The following ZBTB7C variants were observed in gnomAD, a reference collection of about 807,000 sequenced individuals.
ZBTB7C encodes the protein zinc finger and BTB domain-containing protein 7C.
A neutral mutation model predicts 25.7 loss-of-function variants in ZBTB7C; 8 were observed. That is an observed-to-expected ratio of 0.31 (90% CI 0.18 to 0.56). ZBTB7C has a LOEUF of 0.56. Among genes scored for constraint, ZBTB7C ranks in the 20% least tolerant of loss-of-function variants. ZBTB7C has a pLI of 0.91. For missense variants in ZBTB7C, 824 were observed against 855.2 expected (o/e 0.96, Z 0.46); for synonymous variants, 394 against 369.0 (o/e 1.07, Z -0.78).
At chr18:48,300,933 G>A (rs1238074216) in intron 2 of ZBTB7C, among the ~76,000 whole-genome samples, 1 of 152,230 alleles carries the variant, frequency 6.6e-6, no homozygotes, top group East Asian at 1.9e-4. Flanking sequence ...AGGCACAGCT[G>A]GGCCTGGCTT....
At chr18:48,116,422 C>T (rs1294305889) in intron 3 of ZBTB7C, among the ~76,000 whole-genome samples, 1 of 152,198 alleles carries the variant, frequency 6.6e-6, no homozygotes, top group East Asian at 1.9e-4. Flanking sequence ...GACCTACCAG[C>T]GATGGCATTT....
intron 2 of ZBTB7C, among the ~76,000 whole-genome samples, chr18:48,267,866 G>T (rs2044357544): frequency 6.6e-6 from 1 of 152,276 alleles, no homozygotes; most frequent in South Asian, 2.1e-4. Context: ...CTTGATCTTG[G>T]ACTTCCCAGC....
intron 3 of ZBTB7C, among the ~76,000 whole-genome samples, chr18:48,085,510 CTG>C (rs938200578): frequency 3.9e-5 from 6 of 152,190 alleles, no homozygotes; most frequent in Non-Finnish European, 8.8e-5. Context: ...TATTCATTAG[CTG>C]TGTGACTCTG....
intron 1 of ZBTB7C, 64 bp downstream of exon 1, chr18:48,409,162 G>C (rs1418997890): frequency 6.7e-6 from 1 of 148,640 alleles, no homozygotes; most frequent in East Asian, 2.0e-4. Context: ...CTCGGCTGCC[G>C]AGGTGCTGTG....
chr18:48,195,150 C>T (rs752068960), intron 2 of ZBTB7C, among the ~76,000 whole-genome samples: 2 of 152,216 alleles, frequency 1.3e-5, no homozygotes, highest in South Asian at 2.1e-4. Context: ...TTAATATATA[C>T]TTGTACATTC....
rs138760028 is a variant in ZBTB7C at position 48,191,156 on chromosome 18, C to T, written c.-78-5161G>A. On this transcript the variant is annotated intron_variant, in intron 2 of 4. Coordinates refer to ENST00000590800, the MANE Select transcript of ZBTB7C (RefSeq NM_001318841.2). Reference sequence around the variant, plus strand: ...CCTTGCAGAGGTGGGAGGGTAGGAACGGGCTGTGCTTTGCTTCCTCTGACC... The same window carrying T: ...CCTTGCAGAGGTGGGAGGGTAGGAATGGGCTGTGCTTTGCTTCCTCTGACC... Among the ~76,000 whole-genome samples the T allele has an allele frequency of 2.9e-3, 435 of 152,288 alleles. 1 individual carries two copies. Among genetic ancestry groups the T allele is most frequent in the Non-Finnish European group, 2.7e-3 (182 of 68,038 alleles).
At chr18:48,328,921 T>A (rs191205745) in intron 2 of ZBTB7C, among the ~76,000 whole-genome samples, 1 of 152,198 alleles carries the variant, frequency 6.6e-6, no homozygotes, top group Admixed American at 6.5e-5. Flanking sequence ...TCCAGACAAG[T>A]GTTCATTTAA....
intron 2 of ZBTB7C, among the ~76,000 whole-genome samples, chr18:48,274,741 G>A (rs542244710): frequency 3.6e-4 from 55 of 152,224 alleles, no homozygotes; most frequent in Non-Finnish European, 5.7e-4. Flanking sequence ...TCCTGTCAGC[G>A]CATGGTCCAG....
intron 1 of ZBTB7C, among the ~76,000 whole-genome samples, chr18:48,383,046 G>A (rs1200392562): frequency 6.6e-6 from 1 of 152,098 alleles, no homozygotes; most frequent in African/African-American, 2.4e-5. Flanking sequence ...TTACAGGCAT[G>A]ACATTGCGCC....
intron 1 of ZBTB7C, among the ~76,000 whole-genome samples, chr18:48,368,935 CTAAGG>C (rs1171956807): frequency 2.0e-5 from 3 of 152,098 alleles, no homozygotes; most frequent in Non-Finnish European, 4.4e-5. Context: ...AGAAAAACGG[CTAAGG>C]TAAGGTCTTT....
intron 1 of ZBTB7C, among the ~76,000 whole-genome samples, chr18:48,338,882 A>G (rs2046521419): frequency 6.8e-6 from 1 of 146,438 alleles, no homozygotes. Flanking sequence ...AGATCTCCCA[A>G]GCAAGGCTTC....
chr18:48,311,326 A>G lies in ZBTB7C; in HGVS notation c.-79+26848T>C, dbSNP rs554231984. Among the ~76,000 whole-genome samples, 14 of 152,304 alleles carry G rather than the reference A, an allele frequency of 9.2e-5. 1 individual carries two copies. Among genetic ancestry groups the G allele is most frequent in the Admixed American group, 9.1e-4 (14 of 15,302 alleles). ...CAGTACCATCGCAAGTGCTTAGTAA[A>G]TATCTGCTGAATGAAGAAATAAAAA... On this transcript the variant is annotated intron_variant, in intron 2 of 4. Coordinates refer to ENST00000590800, the MANE Select transcript of ZBTB7C (RefSeq NM_001318841.2).
chr18:48,255,191 A>G (rs2043986623), intron 2 of ZBTB7C, among the ~76,000 whole-genome samples: 1 of 152,238 alleles, frequency 6.6e-6, no homozygotes, highest in African/African-American at 2.4e-5. Context: ...AGATATGCAA[A>G]GGAGCTGGAA....
rs568622123 is a variant in ZBTB7C at position 48,229,571 on chromosome 18, A to G, written c.-78-43576T>C. On this transcript the variant is annotated intron_variant, in intron 2 of 4. Coordinates refer to ENST00000590800, the MANE Select transcript of ZBTB7C (RefSeq NM_001318841.2). ...GTATGAAAAACATTATATTTCTTTT[A>G]AAGTTGTTAAAGGGCATAAATCCAT... Among the ~76,000 whole-genome samples, 14 of 152,328 alleles carry G rather than the reference A, an allele frequency of 9.2e-5. No homozygotes were observed. In the East Asian group the frequency reaches 2.5e-3, roughly 27 times the overall value.
At chr18:48,256,618 T>C (rs1234748173) in intron 2 of ZBTB7C, among the ~76,000 whole-genome samples, 2 of 151,876 alleles carry the variant, frequency 1.3e-5, no homozygotes, top group Non-Finnish European at 2.9e-5. Flanking sequence ...TGCATTTATA[T>C]CTGTATTTTA....
At chr18:48,151,877 C>T (rs947123286) in intron 3 of ZBTB7C, among the ~76,000 whole-genome samples, 1 of 152,160 alleles carries the variant, frequency 6.6e-6, no homozygotes, top group African/African-American at 2.4e-5. Context: ...AGTCAGATGT[C>T]ATTCCATACT....
chr18:48,399,412 T>G (rs2145304004), intron 1 of ZBTB7C, among the ~76,000 whole-genome samples: 1 of 152,332 alleles, frequency 6.6e-6, no homozygotes, highest in Non-Finnish European at 1.5e-5. Flanking sequence ...AAAAATCTGC[T>G]TTAGGAAAAC....
At position 48,193,626 on chromosome 18, in the gene ZBTB7C, C is replaced by G. The variant is rs150757491; in HGVS notation, c.-78-7631G>C. Among the ~76,000 whole-genome samples the G allele has an allele frequency of 2.0e-3, 307 of 152,352 alleles. 1 individual carries two copies. The highest frequency in any genetic ancestry group is 7.1e-3 in the African/African-American group (297 of 41,588). ...ACTTGCCGCAGCGCTGAGAGCATAT[C>G]TCAGAGATGACTCCCCTGGCTGCTC... On this transcript the variant is annotated intron_variant, in intron 2 of 4. Transcript: ENST00000590800.
intron 3 of ZBTB7C, among the ~76,000 whole-genome samples, chr18:48,140,880 C>T (rs1233823233): frequency 6.6e-6 from 1 of 152,172 alleles, no homozygotes; most frequent in Non-Finnish European, 1.5e-5. Flanking sequence ...CCACCTCTGC[C>T]ACTGCTGCCC....
Sources: allele counts gnomAD v4.1 joint callset (sites outside exome capture counted in the v4.1 genomes callset), GRCh38; gene constraint gnomAD v4.1.1; transcripts MANE v1.5; gene names NCBI Gene and HGNC (gene_info 2026-07-23, HGNC 2026-07-21).